The following RNF130 variants were observed in gnomAD, a reference collection of about 807,000 sequenced individuals.
RNF130 encodes the protein ring finger protein 130.
In RNF130, 21 loss-of-function variants were observed where a neutral mutation model predicts 44.6. That is an observed-to-expected ratio of 0.47 (90% confidence interval 0.33 to 0.68). The LOEUF (loss-of-function observed/expected upper bound fraction) is 0.68. RNF130 is among the 30% of genes least tolerant of loss of function. RNF130 has a pLI of 0.02. For synonymous variants in RNF130, 214 were observed against 210.4 expected, an observed-to-expected ratio of 1.02 and a Z score of -0.15; for missense variants, 479 against 560.6, an observed-to-expected ratio of 0.85 and a Z score of 1.47.
intron 1 of RNF130, among the ~76,000 whole-genome samples, chr5:180,058,301 T>G (rs976311497): frequency 7.2e-5 from 11 of 152,204 alleles, no homozygotes; most frequent in Non-Finnish European, 1.5e-4. Context: ...TATTTTTCAG[T>G]GTATGTTACA....
At position 179,920,795 on chromosome 5, in the gene RNF130, A is replaced by ATAT. The variant is rs1554099383; in HGVS notation, c.1151-370_1151-369insATA. 8.5e-3 allele frequency among the ~76,000 whole-genome samples: 1,217 copies of ATAT among 143,408 alleles called. 20 individuals carry two copies. Among genetic ancestry groups the ATAT allele is most frequent in the African/African-American group, 0.03 (1,116 of 37,828 alleles). The allele number at this position is 143,408 out of a possible 152,430, so 94.1% of individuals were successfully genotyped here. A position where few individuals can be genotyped will look rare whatever the true frequency, so the allele number is the denominator to read the frequency against. ...CATATATATTTATATATATATATAT[A>ATAT]TTTTTTTTTTTGAGATGGAGTTTTG... On this transcript the variant is annotated intron_variant, in intron 7 of 7. Transcript: ENST00000522208.
At chr5:179,990,596 CT>C (rs1763058247) in intron 3 of RNF130, among the ~76,000 whole-genome samples, 1 of 152,210 alleles carries the variant, frequency 6.6e-6, no homozygotes, top group South Asian at 2.1e-4. Context: ...GAAAGGGAGA[CT>C]CCCTTTCCTG....
rs546768457 is a variant in RNF130, at chr5:180,011,431, G to A, written c.693+1630C>T. Among the ~76,000 whole-genome samples the A allele has an allele frequency of 6.6e-5, 10 of 152,168 alleles. No homozygotes were observed. The East Asian group carries it at 1.4e-3, about 21-fold the overall frequency. ...ATAACAAAGTATTTAAGGGTAACAG[G>A]GCATCATATCTCAAACTTACTCTCA... On this transcript the variant is annotated intron_variant, in intron 3 of 8. Transcript: ENST00000521389.
At chr5:179,969,952 T>C (rs1330648871) in intron 6 of RNF130, among the ~76,000 whole-genome samples, 1 of 152,040 alleles carries the variant, frequency 6.6e-6, no homozygotes, top group East Asian at 1.9e-4. Context: ...GATCGTGCCA[T>C]TGTACTCCAG....
At chr5:180,002,424 C>A (rs886701120) in intron 3 of RNF130, among the ~76,000 whole-genome samples, 3 of 152,158 alleles carry the variant, frequency 2.0e-5, no homozygotes, top group African/African-American at 7.2e-5. Context: ...GACTACTCAC[C>A]CCTGGAGCAA....
At chr5:180,028,135 G>A (rs1764033777) in intron 2 of RNF130, among the ~76,000 whole-genome samples, 1 of 152,040 alleles carries the variant, frequency 6.6e-6, no homozygotes, top group South Asian at 2.1e-4. Context: ...ACTTACAAGG[G>A]GCCTTTGGCC....
intron 7 of RNF130, among the ~76,000 whole-genome samples, chr5:179,948,996 C>T (rs1338207726): frequency 4.3e-5 from 6 of 140,952 alleles, no homozygotes; most frequent in Non-Finnish European, 7.5e-5. Context: ...GATGGAGTCT[C>T]GCTCTGTCAC....
At chr5:179,956,707 C>T (rs1435657989) in intron 8 of RNF130, among the ~76,000 whole-genome samples, 1 of 152,210 alleles carries the variant, frequency 6.6e-6, no homozygotes, top group Non-Finnish European at 1.5e-5. Context: ...TTTTCAGCTC[C>T]CCCAAAGGTA....
At chr5:179,953,061 T>C (rs1762150688), downstream of RNF130, among the ~76,000 whole-genome samples, 2 of 152,180 alleles carry the variant, frequency 1.3e-5, no homozygotes, top group Non-Finnish European at 2.9e-5. Flanking sequence ...AAATGATCTC[T>C]ATGTACAGAT....
At chr5:180,043,701 G>A (rs995929750) in intron 1 of RNF130, among the ~76,000 whole-genome samples, 4 of 151,830 alleles carry the variant, frequency 2.6e-5, no homozygotes, top group Admixed American at 6.6e-5. Flanking sequence ...AAGGAATCCC[G>A]CCCACTGAGA....
chr5:179,998,858 T>TA (rs1197929183), intron 3 of RNF130, among the ~76,000 whole-genome samples: 8,409 of 79,376 alleles, frequency 0.11, 714 homozygotes, highest in African/African-American at 0.14. Flanking sequence ...TCTAGTATTT[T>TA]TTATATATAT....
chr5:180,002,615 C>T (rs1184181949), intron 3 of RNF130, among the ~76,000 whole-genome samples: 1 of 152,116 alleles, frequency 6.6e-6, no homozygotes, highest in Non-Finnish European at 1.5e-5. Context: ...TAGGTATCCA[C>T]AGTGTTGAAG....
At position 179,977,254 on chromosome 5, in the gene RNF130, AAGC is replaced by A. The variant is rs1294652504; in HGVS notation, c.848+946_848+948del. 6.6e-6 allele frequency: 1 copy of A among 152,304 alleles called. No individual in the cohort carries two copies. Among genetic ancestry groups the A allele is most frequent in the African/African-American group, 2.4e-5 (1 of 41,454 alleles). 9.4% of individuals were successfully genotyped at this position (152,304 alleles called of 1,614,324 possible). A position where few individuals can be genotyped will look rare whatever the true frequency, so the allele number is the denominator to read the frequency against. ...GAGCATCTGAACCACAGCAGGCACA[AAGC>A]AGGTATCAGTTCTTTCCATTTTGCA... On this transcript the variant is annotated intron_variant, in intron 5 of 8. Coordinates refer to ENST00000521389, the MANE Select transcript of RNF130 (RefSeq NM_018434.6). The surrounding 1 kb of genome is among the most constrained non-coding windows in gnomAD (Gnocchi z 4.1).
At chr5:179,922,825 T>C (rs1479828874) in intron 7 of RNF130, among the ~76,000 whole-genome samples, 2 of 151,610 alleles carry the variant, frequency 1.3e-5, no homozygotes, top group Non-Finnish European at 2.9e-5. Context: ...TCCCAGCTAC[T>C]TGGGAGGCAG....
chr5:180,038,537 A>G (rs779780856), intron 2 of RNF130, among the ~76,000 whole-genome samples: 11 of 152,044 alleles, frequency 7.2e-5, no homozygotes, highest in Non-Finnish European at 1.3e-4. Flanking sequence ...AAAAATGTTA[A>G]TAAGTCCTAG....
chr5:179,987,074 T>G (rs948094583), intron 3 of RNF130, among the ~76,000 whole-genome samples: 1 of 152,204 alleles, frequency 6.6e-6, no homozygotes, highest in Non-Finnish European at 1.5e-5. Context: ...TTTCTACATA[T>G]GGTCACATAA....
chr5:179,950,380 G>C (rs1157589115), downstream of RNF130, among the ~76,000 whole-genome samples: 1 of 152,186 alleles, frequency 6.6e-6, no homozygotes, highest in African/African-American at 2.4e-5. Context: ...GCCTCCCAAA[G>C]TGTTGGGATT....
chr5:179,945,308 A>G (rs1374747620), intron 7 of RNF130, among the ~76,000 whole-genome samples: 1 of 152,012 alleles, frequency 6.6e-6, no homozygotes, highest in Non-Finnish European at 1.5e-5. Context: ...GTGGGACCCA[A>G]TGGACCCAAA....
chr5:179,970,357 C>T lies in RNF130; in HGVS notation c.945+53G>A, dbSNP rs1199189084. 12 of 1,302,856 alleles carry T rather than the reference C, an allele frequency of 9.2e-6. No homozygotes were observed. In the Admixed American group the frequency reaches 1.5e-4, roughly 16 times the overall value. 80.7% of individuals were successfully genotyped at this position (1,302,856 alleles called of 1,614,324 possible). On this transcript the variant is annotated intron_variant, in intron 6 of 8. Transcript: ENST00000521389. Reference sequence around the variant, plus strand: ...ATGCCAATTATGTTATATTGTATTACACATACATATAATAATATACAAAAG... The same window carrying T: ...ATGCCAATTATGTTATATTGTATTATACATACATATAATAATATACAAAAG...
Sources: allele counts gnomAD v4.1 joint callset (sites outside exome capture counted in the v4.1 genomes callset), GRCh38; gene constraint gnomAD v4.1.1; non-coding constraint Gnocchi (gnomAD v3.1); transcripts MANE v1.5; gene names NCBI Gene and HGNC (gene_info 2026-07-23, HGNC 2026-07-21).